The following MBTPS2 variants were observed in gnomAD, a reference collection of about 807,000 sequenced individuals.
The protein encoded by MBTPS2 is membrane-bound transcription factor site-2 protease.
Under a neutral mutation model 35.4 loss-of-function variants are expected in MBTPS2, and 2 were observed. That is an observed-to-expected ratio of 0.06 (90% CI 0.02 to 0.18). The LOEUF (loss-of-function observed/expected upper bound fraction) is 0.18. Ranked by LOEUF, MBTPS2 falls within the 10% of genes least tolerant of loss-of-function variation. MBTPS2 has a pLI of 1.00. For missense variants in MBTPS2, 244 were observed against 386.5 expected, an observed-to-expected ratio of 0.63 and a Z score of 3.09; for synonymous variants, 125 against 140.4, an observed-to-expected ratio of 0.89 and a Z score of 0.77.
Position 21,869,551 on chromosome X carries a change from T to C in MBTPS2, c.843T>C (p.His281=), listed in dbSNP as rs368929943. Residue 281 remains histidine (H), a synonymous_variant, in exon 7 of 11, where the codon CAT becomes CAC. Transcript: ENST00000379484. Reference sequence around the variant, plus strand: ...TTTTTGTGGGAGACCTTGTCACCCATCTACAGGATTGTCCTGTTACTAATG... The same window carrying C: ...TTTTTGTGGGAGACCTTGTCACCCACCTACAGGATTGTCCTGTTACTAATG... ...RGLFVGDLVT[H]LQDCPVTNVQ... 94 of 1,207,890 alleles carry C rather than the reference T, an allele frequency of 7.8e-5. No homozygotes were observed. Among genetic ancestry groups the C allele is most frequent in the Non-Finnish European group, 1.0e-4 (92 of 893,204 alleles).
At chrX:21,839,917 G>A in intron 1 of MBTPS2, 108 bp downstream of exon 1, 1 of 761,741 alleles carries the variant, frequency 1.3e-6, no homozygotes, top group Non-Finnish European at 2.0e-6. Flanking sequence ...CGGTGCCCAC[G>A]TGCGACAGTC....
Position 21,882,844 on chromosome X carries a change from A to G in MBTPS2, c.*189A>G. The G allele has an allele frequency of 9.1e-7, 1 of 1,098,537 alleles. No homozygotes were observed. The highest frequency in any genetic ancestry group is 1.2e-6 in the Non-Finnish European group (1 of 843,622). The allele number at this position is 1,098,537 out of a possible 1,213,427, so 90.5% of individuals were successfully genotyped here. On this transcript the variant is annotated 3_prime_UTR_variant, in exon 11 of 11. Coordinates refer to ENST00000379484, the MANE Select transcript of MBTPS2 (RefSeq NM_015884.4). ...CTGTGGTAGAAGATAAGCAGAAGAA[A>G]TGAAAGGCATAGTCCCTGACTATAT...
At chrX:21,856,358 C>A (rs1482857206) in intron 5 of MBTPS2, 1 of 686,794 alleles carries the variant, frequency 1.5e-6, no homozygotes, top group Non-Finnish European at 2.2e-6. Context: ...CTGCAGCTCG[C>A]GCCTTTCTCT....
intron 3 of MBTPS2, among the ~76,000 whole-genome samples, chrX:21,848,349 G>T (rs1008420104): frequency 9.1e-6 from 1 of 109,388 alleles, no homozygotes; most frequent in Non-Finnish European, 1.9e-5. Context: ...AACCTGGGAG[G>T]CGGAGGTTGT....
At chrX:21,867,785 C>T (rs911909550) in intron 5 of MBTPS2, among the ~76,000 whole-genome samples, 6 of 109,801 alleles carry the variant, frequency 5.5e-5, no homozygotes, top group Admixed American at 9.7e-5. Flanking sequence ...ACTACAGACG[C>T]GCGCCACCAT....
At chrX:21,851,651 A>C in intron 4 of MBTPS2, 39 bp downstream of exon 4, 1 of 920,804 alleles carries the variant, frequency 1.1e-6, no homozygotes, top group Admixed American at 2.2e-5. Flanking sequence ...TACATGCAAA[A>C]AAAAGCTTTT....
intron 5 of MBTPS2, among the ~76,000 whole-genome samples, chrX:21,855,178 C>T (rs775958726): frequency 9.1e-6 from 1 of 109,635 alleles, no homozygotes; most frequent in Non-Finnish European, 1.9e-5. Context: ...TCCAAGAGCT[C>T]TTAAAAAAAA....
At chrX:21,844,109 CAAAT>C (rs57351369) in intron 2 of MBTPS2, among the ~76,000 whole-genome samples, 9,729 of 96,371 alleles carry the variant, frequency 0.1, 582 homozygotes, top group African/African-American at 0.17. Context: ...GACCCTATCT[CAAAT>C]AAATAAATAA....
chrX:21,842,712 TAA>T (rs951586405), intron 1 of MBTPS2, among the ~76,000 whole-genome samples: 3 of 112,244 alleles, frequency 2.7e-5, no homozygotes, highest in African/African-American at 9.7e-5. Flanking sequence ...TTAGAAAATT[TAA>T]AGTTATATAT....
At chrX:21,867,632 C>A (rs868557836) in intron 5 of MBTPS2, among the ~76,000 whole-genome samples, 2 of 84,314 alleles carry the variant, frequency 2.4e-5, no homozygotes, top group Non-Finnish European at 4.5e-5. Context: ...ACGGTTTTCT[C>A]TTTTTTTTTT....
intron 5 of MBTPS2, among the ~76,000 whole-genome samples, chrX:21,862,087 G>A (rs937172359): frequency 1.8e-5 from 2 of 111,457 alleles, no homozygotes; most frequent in African/African-American, 6.5e-5. Context: ...CTTCTGTGTC[G>A]TGGACCTAAA....
intron 5 of MBTPS2, chrX:21,856,557 A>G (rs1484517408): frequency 9.1e-6 from 11 of 1,211,590 alleles, no homozygotes; most frequent in Non-Finnish European, 1.2e-5. Context: ...GCTCCACGAC[A>G]TCAATGTGGA....
intron 5 of MBTPS2, chrX:21,857,333 C>T: frequency 1.6e-6 from 2 of 1,212,206 alleles, no homozygotes; most frequent in East Asian, 3.0e-5. Flanking sequence ...CCAGAGTCCA[C>T]GTATGTGCAG....
At position 21,846,474 on chromosome X, in the gene MBTPS2, G is replaced by A. The variant is rs769584975; in HGVS notation, c.438+1090G>A. On this transcript the variant is annotated intron_variant, in intron 3 of 10. Coordinates refer to ENST00000379484, the MANE Select transcript of MBTPS2 (RefSeq NM_015884.4). ...CAACCTCCGCCTCGCGGGTTCGAGC[G>A]ATTCTCCTGCCTCAGCCTCCTGAGT... 3.6e-5 allele frequency among the ~76,000 whole-genome samples: 4 copies of A among 112,121 alleles called. No individual in the cohort carries two copies. In the South Asian group the frequency reaches 1.1e-3, roughly 31 times the overall value.
At chrX:21,857,018 G>A (rs780275038) in intron 5 of MBTPS2, 5 of 1,210,291 alleles carry the variant, frequency 4.1e-6, no homozygotes, top group African/African-American at 3.5e-5. Flanking sequence ...AGGTCAAAAC[G>A]CTGGAGGGTG....
intron 3 of MBTPS2, among the ~76,000 whole-genome samples, chrX:21,849,567 C>A (rs1176229035): frequency 1.8e-5 from 2 of 111,044 alleles, no homozygotes; most frequent in African/African-American, 6.6e-5. Context: ...CATTTACTAC[C>A]CTCTCTGTGA....
intron 10 of MBTPS2, among the ~76,000 whole-genome samples, chrX:21,881,287 G>T (rs1242316471): frequency 8.9e-6 from 1 of 111,944 alleles, no homozygotes; most frequent in Non-Finnish European, 1.9e-5. Flanking sequence ...TACTACTGAG[G>T]TAATGAATTC....
chrX:21,877,383 A>G lies in MBTPS2; in HGVS notation c.971-659A>G, dbSNP rs1470669371. Among the ~76,000 whole-genome samples the G allele has an allele frequency of 6.2e-5, 7 of 112,126 alleles. No individual in the cohort carries two copies. The Admixed American group carries it at 6.6e-4, about 11-fold the overall frequency. ...CTTGAGCCCAGGAGGTGGAGGTTAC[A>G]GTGAGCAGAGATCGTGCCACTGTAC... On this transcript the variant is annotated intron_variant, in intron 7 of 10. Coordinates refer to ENST00000379484, the MANE Select transcript of MBTPS2 (RefSeq NM_015884.4).
intron 7 of MBTPS2, chrX:21,871,411 G>A (rs1052225978): frequency 2.6e-4 from 29 of 111,061 alleles, no homozygotes; most frequent in African/African-American, 4.3e-4. Flanking sequence ...TGCCAGCTTC[G>A]GCAGTTATTA....
Sources: allele counts gnomAD v4.1 joint callset (sites outside exome capture counted in the v4.1 genomes callset), GRCh38; gene constraint gnomAD v4.1.1; transcripts MANE v1.5; gene names NCBI Gene and HGNC (gene_info 2026-07-23, HGNC 2026-07-21).